Variants in AGPAT4 observed in about 807,000 individuals in gnomAD.
AGPAT4 encodes 1-acyl-sn-glycerol-3-phosphate acyltransferase delta.
In AGPAT4, 15 loss-of-function variants were observed where a neutral mutation model predicts 48.0. The observed-to-expected ratio is 0.31, with a 90% CI of 0.21 to 0.48. The LOEUF (loss-of-function observed/expected upper bound fraction) is 0.48. AGPAT4 is among the 20% of genes least tolerant of loss of function. The pLI, the probability that AGPAT4 is intolerant of heterozygous loss-of-function variation, is 0.99. For synonymous variants in AGPAT4, 178 were observed against 198.7 expected (o/e 0.90, Z 0.88); for missense variants, 314 against 482.5 (o/e 0.65, Z 3.27).
rs1778983804 is a variant in AGPAT4, at chr6:161,133,960, C to T, written c.*2580G>A. 6.6e-6 allele frequency: 1 copy of T among 152,154 alleles called. No homozygotes were observed. The highest frequency in any genetic ancestry group is 1.5e-5 in the Non-Finnish European group (1 of 68,062). The allele number at this position is 152,154 out of a possible 1,614,324, so 9.4% of individuals were successfully genotyped here. A position where few individuals can be genotyped will look rare whatever the true frequency, so the allele number is the denominator to read the frequency against. On this transcript the variant is annotated 3_prime_UTR_variant, in exon 9 of 9. Transcript: ENST00000320285. ...TTGTGTGCTGAGGAGATGGTGACCT[C>T]CGTGTGACCTGAACATGGGTGAAGG...
At chr6:161,247,281 AG>A (rs1445802870) in intron 1 of AGPAT4, among the ~76,000 whole-genome samples, 1 of 152,256 alleles carries the variant, frequency 6.6e-6, no homozygotes, top group Non-Finnish European at 1.5e-5. Context: ...AGGCAAAGCC[AG>A]GAATTTCTTG....
At position 161,238,378 on chromosome 6, in the gene AGPAT4, A is replaced by C. The variant is rs866962278; in HGVS notation, c.-89-6076T>G. ...TTTTCTATCATTTGCAAGAAGGCAAAGAAGGAGCAGCTAAGACAGATGACT... is the reference window on the plus strand; with the variant it reads ...TTTTCTATCATTTGCAAGAAGGCAACGAAGGAGCAGCTAAGACAGATGACT... On this transcript the variant is annotated intron_variant, in intron 1 of 8. Coordinates refer to ENST00000320285, the MANE Select transcript of AGPAT4 (RefSeq NM_020133.3). This position sits in a 1 kb window ranked among gnomAD's most constrained non-coding sequence, Gnocchi z 5.2. Among the ~76,000 whole-genome samples the C allele has an allele frequency of 6.6e-6, 1 of 152,334 alleles. No homozygotes were observed. Among genetic ancestry groups the C allele is most frequent in the Middle Eastern group, 3.4e-3 (1 of 294 alleles).
chr6:161,255,417 C>T lies in AGPAT4; in HGVS notation c.-90+18521G>A, dbSNP rs539047157. On this transcript the variant is annotated intron_variant, in intron 1 of 8. Coordinates refer to ENST00000320285, the MANE Select transcript of AGPAT4 (RefSeq NM_020133.3). The surrounding 1 kb of genome is among the most constrained non-coding windows in gnomAD (Gnocchi z 4.7). The stretch of plus-strand genomic sequence containing the variant: ...ACACACATCCACACAAAATCTTGTA[C>T]ACCCACGTTCACGGCAGCGTTGCTC... 3.2e-4 allele frequency among the ~76,000 whole-genome samples: 48 copies of T among 152,320 alleles called. No individual in the cohort carries two copies. Among genetic ancestry groups the T allele is most frequent in the African/African-American group, 1.2e-3 (48 of 41,572 alleles).
At chr6:161,150,129 T>C (rs1779547434) in intron 5 of AGPAT4, among the ~76,000 whole-genome samples, 1 of 152,178 alleles carries the variant, frequency 6.6e-6, no homozygotes, top group African/African-American at 2.4e-5. Context: ...TTGTAGTCAG[T>C]TGAAGCTTCT....
In AGPAT4 at chr6:161,186,306, C is replaced by T. The variant is rs73015465; in HGVS notation, c.179-19889G>A. Reference sequence around the variant, plus strand: ...CAAATCTGGGAATCAGACTCTGGAACGAGGCACAGGCAGTCCACGAGAAAC... The same window carrying T: ...CAAATCTGGGAATCAGACTCTGGAATGAGGCACAGGCAGTCCACGAGAAAC... On this transcript the variant is annotated intron_variant, in intron 2 of 8. Coordinates refer to ENST00000320285, the MANE Select transcript of AGPAT4 (RefSeq NM_020133.3). Among the ~76,000 whole-genome samples, 1,402 of 152,280 alleles carry T rather than the reference C, an allele frequency of 9.2e-3. 6 individuals carry two copies. Among genetic ancestry groups the T allele is most frequent in the South Asian group, 0.036 (175 of 4,820 alleles).
rs967816292 is a variant in AGPAT4 at position 161,171,225 on chromosome 6, A to T, written c.179-4808T>A. ...CAGGAGCCCTACGAGGGTAAATCTA[A>T]GAGAAGCAAAGATAAGGTATTTGCT... is the stretch of plus-strand genomic sequence containing the variant. On this transcript the variant is annotated intron_variant, in intron 2 of 8. Transcript: ENST00000320285. This position sits in a 1 kb window ranked among gnomAD's most constrained non-coding sequence, Gnocchi z 4.4. 6.6e-6 allele frequency among the ~76,000 whole-genome samples: 1 copy of T among 152,268 alleles called. No homozygotes were observed. The highest frequency in any genetic ancestry group is 1.5e-5 in the Non-Finnish European group (1 of 68,046).
intron 1 of AGPAT4, among the ~76,000 whole-genome samples, chr6:161,247,981 CAAAAAAAA>C (rs143168079): frequency 1.1e-4 from 3 of 28,212 alleles, no homozygotes; most frequent in African/African-American, 4.6e-4. Context: ...GACTCTGTCT[CAAAAAAAA>C]AAAAAAAAAA....
chr6:161,163,327 AATTCCACAG>A (rs1309407621), intron 3 of AGPAT4, among the ~76,000 whole-genome samples: 1 of 152,250 alleles, frequency 6.6e-6, no homozygotes, highest in African/African-American at 2.4e-5. Context: ...TTAAAAAGCA[AATTCCACAG>A]ACTCCAGAAG....
In AGPAT4 at chr6:161,146,628, A is replaced by T. The variant is rs763611006; in HGVS notation, c.768-29T>A. 13 of 1,607,430 alleles carry T rather than the reference A, an allele frequency of 8.1e-6. No individual in the cohort carries two copies. The highest frequency in any genetic ancestry group is 1.7e-5 in the Admixed American group (1 of 59,988). ...CAAAGGCAGAGAGCAGCTAGCAGAG[A>T]GGAGGTGATGCCCCCCTACAACATA... On this transcript the variant is annotated intron_variant, in intron 6 of 8. Transcript: ENST00000320285. This position sits in a 1 kb window ranked among gnomAD's most constrained non-coding sequence, Gnocchi z 7.1.
chr6:161,228,661 T>TAAAAAAAAAAAAAAAAAAAAAAAAAA (rs375011382), intron 2 of AGPAT4, among the ~76,000 whole-genome samples: 2 of 84,112 alleles, frequency 2.4e-5, no homozygotes, highest in East Asian at 3.5e-4. Flanking sequence ...GTCAGAGAGG[T>TAAAAAAAAAAAAAAAAAAAAAAAAAA]AAAAAAAAAA....
intron 2 of AGPAT4, among the ~76,000 whole-genome samples, chr6:161,181,219 A>G (rs1394818724): frequency 6.6e-6 from 1 of 152,206 alleles, no homozygotes; most frequent in African/African-American, 2.4e-5. Context: ...AACAGTATTC[A>G]GCAGCCCAAT....
rs912180110 is a variant in AGPAT4 at position 161,171,616 on chromosome 6, A to G, written c.179-5199T>C. Among the ~76,000 whole-genome samples the G allele has an allele frequency of 3.3e-5, 5 of 152,152 alleles. No individual in the cohort carries two copies. Among genetic ancestry groups the G allele is most frequent in the Admixed American group, 2.0e-4 (3 of 15,264 alleles). On this transcript the variant is annotated intron_variant, in intron 2 of 8. Coordinates refer to ENST00000320285, the MANE Select transcript of AGPAT4 (RefSeq NM_020133.3). This position sits in a 1 kb window ranked among gnomAD's most constrained non-coding sequence, Gnocchi z 4.4. ...TTGGGAATTAAATTTCCAGCCGCAC[A>G]TGGTGGCTCATGCCTGTAATTCCAG...
Position 161,136,474 on chromosome 6 carries a change from C to G in AGPAT4, c.*66G>C, listed in dbSNP as rs1304603061. Reference sequence around the variant, plus strand: ...ACCCAGCCTTTGTCACCGTGTCCCACTAAGGAGGATATGCAGAGGCCACCA... The same window carrying G: ...ACCCAGCCTTTGTCACCGTGTCCCAGTAAGGAGGATATGCAGAGGCCACCA... On this transcript the variant is annotated 3_prime_UTR_variant, in exon 9 of 9. Coordinates refer to ENST00000320285, the MANE Select transcript of AGPAT4 (RefSeq NM_020133.3). The G allele has an allele frequency of 6.9e-7, 1 of 1,448,758 alleles. No individual in the cohort carries two copies. The highest frequency in any genetic ancestry group is 9.7e-7 in the Non-Finnish European group (1 of 1,034,134). 89.7% of individuals were successfully genotyped at this position (1,448,758 alleles called of 1,614,324 possible).
At chr6:161,210,965 C>T (rs1002107041) in intron 2 of AGPAT4, among the ~76,000 whole-genome samples, 1 of 152,194 alleles carries the variant, frequency 6.6e-6, no homozygotes, top group Non-Finnish European at 1.5e-5. Context: ...AATTTGTTAT[C>T]ATCTTTGTTT....
chr6:161,130,140 C>T lies in AGPAT4; in HGVS notation c.*6400G>A, dbSNP rs976604243. 6.6e-6 allele frequency: 1 copy of T among 152,120 alleles called. No homozygotes were observed. Among genetic ancestry groups the T allele is most frequent in the Admixed American group, 6.5e-5 (1 of 15,272 alleles). The allele number at this position is 152,120 out of a possible 1,614,324, so 9.4% of individuals were successfully genotyped here. A position where few individuals can be genotyped will look rare whatever the true frequency, so the allele number is the denominator to read the frequency against. ...CAGTACCCTAGGGTGACATGACAGC[C>T]CATATATCAGTTCTCTGTTTCACAT... On this transcript the variant is annotated 3_prime_UTR_variant, in exon 9 of 9. Transcript: ENST00000320285.
Position 161,130,336 on chromosome 6 carries a change from C to G in AGPAT4, c.*6204G>C, listed in dbSNP as rs1778862401. 1 of 153,090 alleles carries G rather than the reference C, an allele frequency of 6.5e-6. No individual in the cohort carries two copies. The highest frequency in any genetic ancestry group is 2.4e-5 in the African/African-American group (1 of 41,358). The allele number at this position is 153,090 out of a possible 1,614,324, so 9.5% of individuals were successfully genotyped here. On this transcript the variant is annotated 3_prime_UTR_variant, in exon 9 of 9. Transcript: ENST00000320285. Reference sequence around the variant, plus strand: ...ATGTCATTCTTAGGGCATCTTTGCTCTCTCCTGGCCATTACTGCTTGCTTT... The same window carrying G: ...ATGTCATTCTTAGGGCATCTTTGCTGTCTCCTGGCCATTACTGCTTGCTTT...
chr6:161,263,650 G>C (rs58774824), intron 1 of AGPAT4, among the ~76,000 whole-genome samples: 90,094 of 152,016 alleles, frequency 0.59, 28,438 homozygotes, highest in African/African-American at 0.82. Context: ...CCTCTCCCCC[G>C]ACCTCCTCTC....
Position 161,139,440 on chromosome 6 carries a change from T to G in AGPAT4, c.1024A>C (p.Ile342Leu). Reference protein sequence around the residue: ...SGSSLTLASFILVFFVASVGV... With the variant: ...SGSSLTLASFLLVFFVASVGV... Reference sequence around the variant, plus strand: ...CACTCACCCACAAAGAAGACGAGGATGAAGCTGGCCAGCGTCAGGGAAGAC... The same window carrying G: ...CACTCACCCACAAAGAAGACGAGGAGGAAGCTGGCCAGCGTCAGGGAAGAC... Residue 342 changes from isoleucine (I) to leucine (L), a missense_variant, in exon 8 of 9, where the codon ATC (isoleucine) becomes CTC (leucine). Coordinates refer to ENST00000320285, the MANE Select transcript of AGPAT4 (RefSeq NM_020133.3). This position sits in a 1 kb window ranked among gnomAD's most constrained non-coding sequence, Gnocchi z 9.1. 1.2e-6 allele frequency: 2 copies of G among 1,613,998 alleles called. No individual in the cohort carries two copies. Among genetic ancestry groups the G allele is most frequent in the South Asian group, 2.2e-5 (2 of 91,080 alleles).
rs1310192779 is a variant in AGPAT4, at chr6:161,139,671, G to A, written c.844-51C>T. The A allele has an allele frequency of 6.7e-7, 1 of 1,494,116 alleles. No homozygotes were observed. The highest frequency in any genetic ancestry group is 2.0e-5 in the Admixed American group (1 of 50,616). 92.6% of individuals were successfully genotyped at this position (1,494,116 alleles called of 1,614,324 possible). A position where few individuals can be genotyped will look rare whatever the true frequency, so the allele number is the denominator to read the frequency against. On this transcript the variant is annotated intron_variant, in intron 7 of 8. Transcript: ENST00000320285. The surrounding 1 kb of genome is among the most constrained non-coding windows in gnomAD (Gnocchi z 9.1). ...AGACGCCACACGGGGCTCGGTGGCA[G>A]GTCCCTCCCGAGGCCCTGCTTCCAA...
Sources: allele counts gnomAD v4.1 joint callset (sites outside exome capture counted in the v4.1 genomes callset), GRCh38; gene constraint gnomAD v4.1.1; non-coding constraint Gnocchi (gnomAD v3.1); transcripts MANE v1.5; gene names NCBI Gene and HGNC (gene_info 2026-07-23, HGNC 2026-07-21).